ADCY2: variants seen among roughly 807,000 people sequenced by gnomAD.
ADCY2 encodes adenylate cyclase 2.
A neutral mutation model predicts 125.2 loss-of-function variants in ADCY2; 31 were observed. The ratio of observed to expected loss-of-function variants is 0.25; its 90% confidence interval spans 0.19 to 0.33. The LOEUF (loss-of-function observed/expected upper bound fraction) is 0.33, where lower values mean the gene tolerates loss of function less well. Among genes scored for constraint, ADCY2 ranks in the 10% least tolerant of loss-of-function variants. ADCY2 has a pLI of 1.00. For synonymous variants in ADCY2, 512 were observed against 548.4 expected, an observed-to-expected ratio of 0.93 and a Z score of 0.93; for missense variants, 904 against 1,418.2, an observed-to-expected ratio of 0.64 and a Z score of 5.82.
intron 2 of ADCY2, among the ~76,000 whole-genome samples, chr5:7,476,008 T>C (rs1437048946): frequency 6.6e-6 from 1 of 152,192 alleles, no homozygotes; most frequent in African/African-American, 2.4e-5. Flanking sequence ...TTCAACCCGT[T>C]GGTATTAATA....
At chr5:7,500,196 A>G (rs1284425646) in intron 2 of ADCY2, among the ~76,000 whole-genome samples, 1 of 152,222 alleles carries the variant, frequency 6.6e-6, no homozygotes, top group Non-Finnish European at 1.5e-5. Context: ...GTATTTGAAC[A>G]CCATTGGGTT....
chr5:7,601,005 G>A (rs1275823318), intron 3 of ADCY2, among the ~76,000 whole-genome samples: 1 of 152,162 alleles, frequency 6.6e-6, no homozygotes, highest in African/African-American at 2.4e-5. Flanking sequence ...TTTTTGGGTG[G>A]ATTATGTTCA....
intron 2 of ADCY2, among the ~76,000 whole-genome samples, chr5:7,449,031 C>T (rs532601746): frequency 6.6e-6 from 1 of 152,296 alleles, no homozygotes; most frequent in South Asian, 2.1e-4. Context: ...ATTTCTGCTT[C>T]TAGACCTCTG....
intron 12 of ADCY2, among the ~76,000 whole-genome samples, chr5:7,723,943 A>AAAAAAAG (rs778086811): frequency 7.8e-4 from 112 of 143,932 alleles, no homozygotes; most frequent in Non-Finnish European, 1.1e-3. Flanking sequence ...AAAAAAAAAA[A>AAAAAAAG]AGAGAAAAGA....
intron 3 of ADCY2, among the ~76,000 whole-genome samples, chr5:7,573,345 G>C (rs1247112263): frequency 6.6e-6 from 1 of 152,064 alleles, no homozygotes; most frequent in Non-Finnish European, 1.5e-5. Flanking sequence ...GCAAATTGAT[G>C]TTCACATGAA....
intron 2 of ADCY2, among the ~76,000 whole-genome samples, chr5:7,482,572 A>C (rs1742770594): frequency 6.6e-6 from 1 of 151,988 alleles, no homozygotes; most frequent in East Asian, 1.9e-4. Context: ...AACAGTATGG[A>C]GGTTTCTCAA....
chr5:7,702,903 T>C (rs1561176476), intron 7 of ADCY2, among the ~76,000 whole-genome samples: 1 of 152,238 alleles, frequency 6.6e-6, no homozygotes, highest in Non-Finnish European at 1.5e-5. Context: ...TTTTCTGACT[T>C]TTTAATGATC....
intron 4 of ADCY2, among the ~76,000 whole-genome samples, chr5:7,680,285 ATGC>A (rs1389250618): frequency 6.6e-6 from 1 of 152,196 alleles, no homozygotes; most frequent in Admixed American, 6.5e-5. Context: ...TACTGGACAG[ATGC>A]TGCTAAATAT....
chr5:7,440,446 T>A (rs1405012131), intron 2 of ADCY2, among the ~76,000 whole-genome samples: 1 of 152,238 alleles, frequency 6.6e-6, no homozygotes, highest in Non-Finnish European at 1.5e-5. Flanking sequence ...TCTTTTCATT[T>A]TGCGTTTCAG....
At chr5:7,642,100 C>T (rs1486906431) in intron 4 of ADCY2, among the ~76,000 whole-genome samples, 1 of 152,178 alleles carries the variant, frequency 6.6e-6, no homozygotes, top group Admixed American at 6.5e-5. Flanking sequence ...GAAATTTCCA[C>T]ATGGCCTTCC....
intron 4 of ADCY2, among the ~76,000 whole-genome samples, chr5:7,662,096 G>C (rs185950072): frequency 6.6e-6 from 1 of 152,144 alleles, no homozygotes; most frequent in African/African-American, 2.4e-5. Flanking sequence ...ACCACGCATA[G>C]CCTCCTCACT....
chr5:7,699,868 A>G (rs1437314222), intron 7 of ADCY2, among the ~76,000 whole-genome samples: 2 of 152,324 alleles, frequency 1.3e-5, no homozygotes, highest in South Asian at 2.1e-4. Flanking sequence ...CATGGTAGGT[A>G]TGCACTGCCT....
intron 5 of ADCY2, among the ~76,000 whole-genome samples, 163 bp from the exon 6 acceptor site, chr5:7,695,588 CA>C (rs35317146): frequency 1.2e-4 from 18 of 151,942 alleles, no homozygotes; most frequent in African/African-American, 4.3e-4. Context: ...TTAACAAGTT[CA>C]AAAAAATGTT....
Position 7,773,070 on chromosome 5 carries a change from C to T in ADCY2, c.2353C>T (p.Leu785=). 6.2e-7 allele frequency: 1 copy of T among 1,614,156 alleles called. No individual in the cohort carries two copies. Among genetic ancestry groups the T allele is most frequent in the East Asian group, 2.2e-5 (1 of 44,884 alleles). ...TILLHTHAHV[L]GDYSQVLFER... ...CCTACTCCACACCCACGCCCACGTC[C>T]TGGGCGACTACAGCCAGGTCTTATT... Residue 785 remains leucine, a synonymous_variant, in exon 18 of 25, where the codon CTG becomes TTG. Transcript: ENST00000338316.
chr5:7,658,452 A>G (rs1739418738), intron 4 of ADCY2, among the ~76,000 whole-genome samples: 2 of 110,926 alleles, frequency 1.8e-5, no homozygotes, highest in South Asian at 2.5e-4. Context: ...TATATTTGAG[A>G]TGGAGTCTCA....
intron 7 of ADCY2, among the ~76,000 whole-genome samples, chr5:7,705,173 C>T (rs1176395690): frequency 6.6e-6 from 1 of 152,216 alleles, no homozygotes; most frequent in Non-Finnish European, 1.5e-5. Flanking sequence ...TCAGAATCAT[C>T]ATTGCTCAAA....
intron 2 of ADCY2, among the ~76,000 whole-genome samples, chr5:7,516,997 CAG>C (rs1319858059): frequency 6.6e-6 from 1 of 152,042 alleles, no homozygotes; most frequent in Non-Finnish European, 1.5e-5. Flanking sequence ...TTTTTGGAGA[CAG>C]AGGCATTATG....
At chr5:7,499,703 A>G (rs1279833870) in intron 2 of ADCY2, among the ~76,000 whole-genome samples, 10 of 141,192 alleles carry the variant, frequency 7.1e-5, no homozygotes, top group Admixed American at 4.3e-4. Flanking sequence ...GTGTATATAT[A>G]TGTATATATA....
At chr5:7,482,661 C>G (rs145826195) in intron 2 of ADCY2, among the ~76,000 whole-genome samples, 3,508 of 151,560 alleles carry the variant, frequency 0.023, 55 homozygotes, top group Non-Finnish European at 0.034. Context: ...ATCCTTATAT[C>G]AAAGAGATAC....
Sources: allele counts gnomAD v4.1 joint callset (sites outside exome capture counted in the v4.1 genomes callset), GRCh38; gene constraint gnomAD v4.1.1; transcripts MANE v1.5; gene names NCBI Gene and HGNC (gene_info 2026-07-23, HGNC 2026-07-21).